SMYD3: variants seen among roughly 807,000 people sequenced by gnomAD.
The protein encoded by SMYD3 is SET and MYND domain containing 3.
SMYD3 carries 36 observed loss-of-function variants against 57.7 expected under a neutral mutation model. The observed-to-expected ratio is 0.62, with a 90% CI of 0.48 to 0.82. SMYD3 has a LOEUF of 0.82. Among genes scored for constraint, SMYD3 ranks in the 40% least tolerant of loss-of-function variants. SMYD3 has a pLI of 0.00. For synonymous variants in SMYD3, 211 were observed against 195.0 expected, an observed-to-expected ratio of 1.08 and a Z score of -0.68; for missense variants, 515 against 538.8, an observed-to-expected ratio of 0.96 and a Z score of 0.44.
chr1:246,359,646 C>T (rs753154803), intron 1 of SMYD3, among the ~76,000 whole-genome samples: 3 of 152,080 alleles, frequency 2.0e-5, no homozygotes, highest in Non-Finnish European at 4.4e-5. Context: ...CAGGGATGCA[C>T]GGATGGCTTA....
intron 5 of SMYD3, among the ~76,000 whole-genome samples, chr1:246,117,398 G>A (rs2061357141): frequency 6.6e-6 from 1 of 152,138 alleles, no homozygotes; most frequent in African/African-American, 2.4e-5. Context: ...AACACAGTAG[G>A]CAGGCAACCC....
At chr1:246,241,753 A>G (rs1413860518) in intron 5 of SMYD3, among the ~76,000 whole-genome samples, 2 of 152,176 alleles carry the variant, frequency 1.3e-5, no homozygotes, top group Non-Finnish European at 2.9e-5. Flanking sequence ...GCTATTAATT[A>G]TTGCCTCAAT....
chr1:246,361,861 T>C (rs540363054), intron 1 of SMYD3, among the ~76,000 whole-genome samples: 16 of 152,208 alleles, frequency 1.1e-4, no homozygotes, highest in African/African-American at 3.4e-4. Flanking sequence ...GCTCAGGAGA[T>C]GGATACACCA....
At chr1:246,394,708 G>A (rs1159143300) in intron 1 of SMYD3, among the ~76,000 whole-genome samples, 10 of 151,004 alleles carry the variant, frequency 6.6e-5, no homozygotes, top group Admixed American at 5.3e-4. Flanking sequence ...TATAAGAGAG[G>A]CTCCCGAACC....
rs2064410056 is a variant in SMYD3 at position 246,279,938 on chromosome 1, T to A, written c.531+47263A>T. Among the ~76,000 whole-genome samples, 3 of 152,216 alleles carry A rather than the reference T, an allele frequency of 2.0e-5. 1 individual carries two copies. In the South Asian group the frequency reaches 6.2e-4, roughly 32 times the overall value. ...TACTAAGGCATCAAGAAAACAATTT[T>A]ATCTGCTAAGAGTACTTACTCGTAG... On this transcript the variant is annotated intron_variant, in intron 5 of 11. Coordinates refer to ENST00000490107, the MANE Select transcript of SMYD3 (RefSeq NM_001167740.2).
At chr1:246,423,651 T>A (rs2067177022) in intron 1 of SMYD3, among the ~76,000 whole-genome samples, 1 of 152,006 alleles carries the variant, frequency 6.6e-6, no homozygotes, top group South Asian at 2.1e-4. Context: ...AGCTGGGCAA[T>A]ATATTTTATC....
intron 5 of SMYD3, among the ~76,000 whole-genome samples, chr1:246,310,230 T>G (rs951807734): frequency 1.3e-5 from 2 of 150,424 alleles, no homozygotes; most frequent in African/African-American, 5.0e-5. Context: ...TGATTCTTCA[T>G]AGAGGACAAG....
intron 10 of SMYD3, among the ~76,000 whole-genome samples, chr1:245,805,956 G>A (rs78958791): frequency 0.014 from 2,077 of 152,296 alleles, 18 homozygotes; most frequent in Middle Eastern, 0.065. Flanking sequence ...GAAGGATAAA[G>A]AAACCAGAAT....
At chr1:246,411,206 C>T (rs1297821285) in intron 1 of SMYD3, among the ~76,000 whole-genome samples, 1 of 151,934 alleles carries the variant, frequency 6.6e-6, no homozygotes, top group Non-Finnish European at 1.5e-5. Flanking sequence ...TTTATGCACC[C>T]AAAAAACACA....
intron 1 of SMYD3, among the ~76,000 whole-genome samples, chr1:246,381,220 C>T (rs2066381365): frequency 6.6e-6 from 1 of 152,094 alleles, no homozygotes; most frequent in Non-Finnish European, 1.5e-5. Flanking sequence ...TCTAGAAAGT[C>T]GGAACATTTC....
intron 5 of SMYD3, among the ~76,000 whole-genome samples, chr1:245,957,805 A>G (rs1003354842): frequency 2.0e-5 from 3 of 152,202 alleles, no homozygotes; most frequent in South Asian, 2.1e-4. Flanking sequence ...ATATGTGGAA[A>G]AGTCATAACT....
At chr1:245,816,295 G>A (rs892017044) in intron 10 of SMYD3, among the ~76,000 whole-genome samples, 4 of 151,940 alleles carry the variant, frequency 2.6e-5, no homozygotes, top group Non-Finnish European at 5.9e-5. Context: ...GTACTCCCGG[G>A]GTGGCTAGGG....
At chr1:246,467,728 G>A (rs2103045311) in intron 1 of SMYD3, among the ~76,000 whole-genome samples, 1 of 152,126 alleles carries the variant, frequency 6.6e-6, no homozygotes, top group East Asian at 1.9e-4. Flanking sequence ...TCCAAAAAAT[G>A]GAAGAGGAGG....
At chr1:245,832,444 A>G (rs1176279146) in intron 10 of SMYD3, among the ~76,000 whole-genome samples, 1 of 151,834 alleles carries the variant, frequency 6.6e-6, no homozygotes, top group East Asian at 1.9e-4. Flanking sequence ...ATTCTAAGAC[A>G]TCATCAGTTT....
rs1242588535 is a variant in SMYD3, at chr1:246,203,647, A to C, written c.531+123554T>G. On this transcript the variant is annotated intron_variant, in intron 5 of 11. Transcript: ENST00000490107. The surrounding 1 kb of genome is among the most constrained non-coding windows in gnomAD (Gnocchi z 4.6). ...GACTAGGGTCAACCCTAAAGGCCTC[A>C]TGTTAAATCACCTCTTCAAAGACCT... 6.6e-6 allele frequency among the ~76,000 whole-genome samples: 1 copy of C among 152,212 alleles called. No homozygotes were observed. The highest frequency in any genetic ancestry group is 1.5e-5 in the Non-Finnish European group (1 of 68,038).
chr1:246,308,452 CAAAT>C (rs2065023504), intron 5 of SMYD3, among the ~76,000 whole-genome samples: 1 of 151,880 alleles, frequency 6.6e-6, no homozygotes, highest in Non-Finnish European at 1.5e-5. Context: ...TTACTGCAAA[CAAAT>C]AATACTAAAT....
intron 10 of SMYD3, among the ~76,000 whole-genome samples, chr1:245,836,342 T>C (rs757197134): frequency 6.6e-6 from 1 of 152,196 alleles, no homozygotes. Context: ...TCCCCTCGCA[T>C]AGCCACTGGC....
intron 4 of SMYD3, among the ~76,000 whole-genome samples, chr1:246,329,901 C>T (rs916815829): frequency 3.3e-5 from 5 of 152,106 alleles, no homozygotes; most frequent in African/African-American, 7.2e-5. Flanking sequence ...ACAACCTTAA[C>T]GAAAAGGATC....
chr1:246,408,039 G>A lies in SMYD3; in HGVS notation c.165-52945C>T, dbSNP rs146138227. 1.9e-3 allele frequency among the ~76,000 whole-genome samples: 292 copies of A among 151,950 alleles called. 3 individuals are homozygous for A. The highest frequency in any genetic ancestry group is 6.8e-3 in the African/African-American group (280 of 41,456). ...GTGTCCTCACTTGGCAGAAGGGGAA[G>A]TCAGCTCCCTTGGGCCTCTTTTATG... On this transcript the variant is annotated intron_variant, in intron 1 of 11. Transcript: ENST00000490107.
Sources: gnomAD v4.1 joint callset for allele counts (sites outside exome capture counted in the v4.1 genomes callset) on GRCh38, gnomAD v4.1.1 for gene constraint, Gnocchi (gnomAD v3.1) non-coding constraint, MANE v1.5 for transcripts, NCBI Gene and HGNC (gene_info 2026-07-23, HGNC 2026-07-21) for gene names.